The following RHOA variants were observed in gnomAD, a reference collection of about 807,000 sequenced individuals.
RHOA encodes ras homolog family member A.
A neutral mutation model predicts 17.5 loss-of-function variants in RHOA; 3 were observed. That is an observed-to-expected ratio of 0.17 (90% CI 0.08 to 0.44). RHOA has a LOEUF of 0.44. RHOA is among the 20% of genes least tolerant of loss of function. RHOA has a pLI of 0.99. For synonymous variants in RHOA, 98 were observed against 88.4 expected, an observed-to-expected ratio of 1.11 and a Z score of -0.61; for missense variants, 56 against 242.3, an observed-to-expected ratio of 0.23 and a Z score of 5.10.
intron 1 of RHOA, among the ~76,000 whole-genome samples, chr3:49,393,512 G>A (rs1264024288): frequency 1.3e-5 from 2 of 151,716 alleles, no homozygotes; most frequent in African/African-American, 4.8e-5. Flanking sequence ...GGGCCAGACG[G>A]GTCTCCAACT....
chr3:49,408,229 T>TACG (rs1559521951), intron 1 of RHOA, among the ~76,000 whole-genome samples: 2 of 151,768 alleles, frequency 1.3e-5, no homozygotes, highest in Non-Finnish European at 2.9e-5. Flanking sequence ...CACATATATA[T>TACG]ACGTATACAC....
chr3:49,364,728 T>C (rs2048027320), intron 3 of RHOA, among the ~76,000 whole-genome samples: 1 of 151,990 alleles, frequency 6.6e-6, no homozygotes, highest in Non-Finnish European at 1.5e-5. Context: ...AGGCCTGTAA[T>C]CTCAGCACTT....
At chr3:49,389,279 C>A (rs1247002297) in intron 1 of RHOA, among the ~76,000 whole-genome samples, 3 of 151,692 alleles carry the variant, frequency 2.0e-5, no homozygotes. Flanking sequence ...TGTGACATTG[C>A]GCTCCAGCCT....
chr3:49,405,197 GC>G (rs2048808624), intron 1 of RHOA, among the ~76,000 whole-genome samples: 1 of 147,694 alleles, frequency 6.8e-6, no homozygotes. Context: ...GGCGGAGGTT[GC>G]AGTGAGCCGA....
At chr3:49,408,025 T>A (rs1342418084) in intron 1 of RHOA, among the ~76,000 whole-genome samples, 1 of 152,050 alleles carries the variant, frequency 6.6e-6, no homozygotes, top group Non-Finnish European at 1.5e-5. Context: ...CTGAGCACAG[T>A]GGCGCATGCT....
chr3:49,387,680 G>C (rs1284151668), intron 1 of RHOA, among the ~76,000 whole-genome samples: 1 of 148,182 alleles, frequency 6.7e-6, no homozygotes, highest in South Asian at 2.1e-4. Context: ...GGGAGCAGAG[G>C]TTGCAGTGAG....
chr3:49,387,112 C>G (rs553629606), intron 1 of RHOA, among the ~76,000 whole-genome samples: 1 of 58,492 alleles, frequency 1.7e-5, no homozygotes, highest in African/African-American at 7.6e-5. Flanking sequence ...AGAGAAACTC[C>G]GTCTCAAAAA....
chr3:49,384,924 G>A (rs532264298), intron 1 of RHOA, among the ~76,000 whole-genome samples: 6 of 152,074 alleles, frequency 3.9e-5, no homozygotes, highest in African/African-American at 1.2e-4. Context: ...TTAGCCTAGC[G>A]TGGTGGCAGG....
chr3:49,372,884 G>A (rs2048168466), intron 2 of RHOA, among the ~76,000 whole-genome samples: 1 of 152,080 alleles, frequency 6.6e-6, no homozygotes, highest in African/African-American at 2.4e-5. Context: ...TTTTACAAAT[G>A]AGGAAGGCTC....
At chr3:49,392,489 T>C (rs1430744745) in intron 1 of RHOA, among the ~76,000 whole-genome samples, 1 of 152,124 alleles carries the variant, frequency 6.6e-6, no homozygotes, top group Non-Finnish European at 1.5e-5. Flanking sequence ...AAAATATTCT[T>C]CCTTTTTATC....
chr3:49,393,928 T>C (rs1326161555), intron 1 of RHOA, among the ~76,000 whole-genome samples: 1 of 151,336 alleles, frequency 6.6e-6, no homozygotes, highest in Non-Finnish European at 1.5e-5. Flanking sequence ...TGGAGTGCTG[T>C]GGCATGATCT....
At chr3:49,361,095 AAAAC>A (rs2047964175) in intron 4 of RHOA, 1 of 176,442 alleles carries the variant, frequency 5.7e-6, no homozygotes, top group Non-Finnish European at 1.2e-5. Flanking sequence ...ACAAAAAAAA[AAAAC>A]AACAAACTGC....
intron 1 of RHOA, among the ~76,000 whole-genome samples, chr3:49,395,355 A>C (rs922957098): frequency 6.6e-6 from 1 of 152,166 alleles, no homozygotes; most frequent in Non-Finnish European, 1.5e-5. Context: ...AGCAATCTGC[A>C]TTCTATTCTG....
At chr3:49,369,005 CCT>C (rs1491215316) in intron 2 of RHOA, among the ~76,000 whole-genome samples, 2 of 84,284 alleles carry the variant, frequency 2.4e-5, no homozygotes, top group Non-Finnish European at 4.2e-5. Context: ...CCGCGCCTGG[CCT>C]TTTTTTTTTT....
At chr3:49,363,065 TTCA>T (rs1290468029) in intron 3 of RHOA, among the ~76,000 whole-genome samples, 1 of 152,208 alleles carries the variant, frequency 6.6e-6, no homozygotes, top group Non-Finnish European at 1.5e-5. Context: ...TTCTAACTTG[TTCA>T]TCAACTCTCA....
intron 1 of RHOA, among the ~76,000 whole-genome samples, chr3:49,393,721 T>TGCA (rs2048560161): frequency 1.0e-5 from 1 of 98,896 alleles, no homozygotes. Context: ...TGTGTGTGTG[T>TGCA]GTGTGTGTGA....
intron 1 of RHOA, among the ~76,000 whole-genome samples, chr3:49,380,050 TC>T (rs1348216423): frequency 1.3e-5 from 2 of 152,152 alleles, no homozygotes; most frequent in African/African-American, 4.8e-5. Context: ...CTTCCTAGCT[TC>T]CCTTGGAGAC....
chr3:49,402,337 T>C (rs978354501), intron 1 of RHOA, among the ~76,000 whole-genome samples: 2 of 152,138 alleles, frequency 1.3e-5, no homozygotes, highest in Admixed American at 1.3e-4. Flanking sequence ...AGAATTTATA[T>C]ATGCTTATTG....
intron 1 of RHOA, among the ~76,000 whole-genome samples, chr3:49,408,229 TAC>T (rs201052777): frequency 0.011 from 1,723 of 151,872 alleles, 32 homozygotes; most frequent in African/African-American, 0.04. Context: ...CACATATATA[TAC>T]GTATACACGT....
Sources: allele counts gnomAD v4.1 joint callset (sites outside exome capture counted in the v4.1 genomes callset), GRCh38; gene constraint gnomAD v4.1.1; transcripts MANE v1.5; gene names NCBI Gene and HGNC (gene_info 2026-07-23, HGNC 2026-07-21).